Variants in AKT3 observed in about 807,000 individuals in gnomAD.
The protein encoded by AKT3 is RAC-gamma serine/threonine-protein kinase.
A neutral mutation model predicts 65.3 loss-of-function variants in AKT3; 15 were observed. That is an observed-to-expected ratio of 0.23 (90% confidence interval 0.15 to 0.35). The LOEUF is 0.35. AKT3 is among the 10% of genes least tolerant of loss of function. The probability of loss-of-function intolerance (pLI) is 1.00; values close to 1 mark genes in which losing one functional copy is unlikely to be tolerated. For missense variants in AKT3, 243 were observed against 576.5 expected, an observed-to-expected ratio of 0.42 and a Z score of 5.92; for synonymous variants, 206 against 183.8, an observed-to-expected ratio of 1.12 and a Z score of -0.98.
At chr1:243,727,289 GTTGA>G (rs753057854) in intron 2 of AKT3, among the ~76,000 whole-genome samples, 27 of 152,102 alleles carry the variant, frequency 1.8e-4, no homozygotes, top group South Asian at 2.1e-4. Context: ...AAGTAAGTTA[GTTGA>G]TTGATTGATT....
intron 9 of AKT3, among the ~76,000 whole-genome samples, chr1:243,570,833 AT>A (rs987089604): frequency 6.6e-6 from 1 of 152,170 alleles, no homozygotes; most frequent in African/African-American, 2.4e-5. Context: ...TTAAGGCTAT[AT>A]TTTTTAAGAA....
intron 2 of AKT3, among the ~76,000 whole-genome samples, chr1:243,836,869 G>A (rs372427853): frequency 3.5e-5 from 5 of 142,792 alleles, no homozygotes; most frequent in Non-Finnish European, 6.0e-5. Context: ...CTGAGACTGC[G>A]CCACTGCACT....
chr1:243,790,390 T>A (rs1271419814), intron 2 of AKT3, among the ~76,000 whole-genome samples: 2 of 152,230 alleles, frequency 1.3e-5, no homozygotes, highest in Non-Finnish European at 2.9e-5. Context: ...TTAAACCTCA[T>A]GAATCAACCT....
At chr1:243,711,333 CA>C (rs1020683557) in intron 2 of AKT3, among the ~76,000 whole-genome samples, 4 of 152,044 alleles carry the variant, frequency 2.6e-5, no homozygotes, top group African/African-American at 7.2e-5. Context: ...ATCTCAAAAA[CA>C]AACAAACAAA....
chr1:243,818,082 G>A (rs1693633277), intron 2 of AKT3: 1 of 152,182 alleles, frequency 6.6e-6, no homozygotes, highest in African/African-American at 2.4e-5. Context: ...AGGATTGAGA[G>A]CAGATTAAAA....
intron 12 of AKT3, among the ~76,000 whole-genome samples, chr1:243,521,111 G>T (rs1049189833): frequency 6.6e-6 from 1 of 152,048 alleles, no homozygotes; most frequent in African/African-American, 2.4e-5. Context: ...TCCTTCCAGG[G>T]GCTTAAGAAA....
chr1:243,583,395 G>A (rs926428451), intron 8 of AKT3, among the ~76,000 whole-genome samples: 3 of 150,524 alleles, frequency 2.0e-5, no homozygotes, highest in Non-Finnish European at 4.4e-5. Flanking sequence ...CACACATTCT[G>A]GACTTAAACT....
intron 4 of AKT3, among the ~76,000 whole-genome samples, chr1:243,646,311 C>T (rs1680809148): frequency 6.6e-6 from 1 of 150,942 alleles, no homozygotes; most frequent in African/African-American, 2.4e-5. Context: ...GAGTTAAAAT[C>T]ATTTACATGA....
At chr1:243,737,094 C>A (rs1490526799) in intron 2 of AKT3, among the ~76,000 whole-genome samples, 1 of 152,134 alleles carries the variant, frequency 6.6e-6, no homozygotes, top group Non-Finnish European at 1.5e-5. Flanking sequence ...TTCCCATAAC[C>A]TGCTTCCATT....
intron 2 of AKT3, among the ~76,000 whole-genome samples, chr1:243,759,927 A>G (rs10803158): frequency 0.32 from 48,857 of 152,080 alleles, 10,628 homozygotes; most frequent in African/African-American, 0.62. Flanking sequence ...CATTAAGCTG[A>G]AATCACAAAT....
intron 2 of AKT3, among the ~76,000 whole-genome samples, chr1:243,700,161 C>T (rs1685354501): frequency 6.6e-6 from 1 of 152,182 alleles, no homozygotes; most frequent in South Asian, 2.1e-4. Flanking sequence ...GAGCTAAAAA[C>T]TACTACTTAC....
intron 3 of AKT3, among the ~76,000 whole-genome samples, chr1:243,684,586 T>C (rs1008980019): frequency 1.4e-4 from 22 of 152,204 alleles, no homozygotes; most frequent in Non-Finnish European, 2.2e-4. Context: ...GTTCCAAGTC[T>C]TTGCTATTGT....
At chr1:243,718,528 C>T (rs1034350742) in intron 2 of AKT3, among the ~76,000 whole-genome samples, 4 of 152,014 alleles carry the variant, frequency 2.6e-5, no homozygotes, top group African/African-American at 7.2e-5. Context: ...TGGCTCACTG[C>T]GATCTCTGCC....
chr1:243,736,060 G>A lies in AKT3; in HGVS notation c.47-40344C>T, dbSNP rs77304662. Among the ~76,000 whole-genome samples, 467 of 152,188 alleles carry A rather than the reference G, an allele frequency of 3.1e-3. 5 individuals are homozygous for A. The highest frequency in any genetic ancestry group is 0.011 in the African/African-American group (443 of 41,524). ...TTTTAATCTGTAAAAATAAGAAAATGCAAGTGCTAGACAGAAAGCTTGAGA... is the reference window on the plus strand; with the variant it reads ...TTTTAATCTGTAAAAATAAGAAAATACAAGTGCTAGACAGAAAGCTTGAGA... On this transcript the variant is annotated intron_variant, in intron 2 of 13. Coordinates refer to ENST00000673466, the MANE Select transcript of AKT3 (RefSeq NM_005465.7).
intron 3 of AKT3, among the ~76,000 whole-genome samples, chr1:243,669,065 T>C (rs1351763329): frequency 2.3e-5 from 3 of 129,970 alleles, no homozygotes; most frequent in South Asian, 4.8e-4. Context: ...TACTAATTTA[T>C]ACTAATAAAG....
intron 2 of AKT3, among the ~76,000 whole-genome samples, chr1:243,831,180 G>T (rs571704487): frequency 1.1e-3 from 161 of 152,156 alleles, no homozygotes; most frequent in African/African-American, 3.6e-3. Context: ...AGAGACTACC[G>T]TGCTCAAAAT....
At chr1:243,709,750 C>T (rs906795075) in intron 2 of AKT3, among the ~76,000 whole-genome samples, 1 of 151,840 alleles carries the variant, frequency 6.6e-6, no homozygotes, top group African/African-American at 2.4e-5. Flanking sequence ...TATATACTTA[C>T]GTTTAAATAT....
chr1:243,711,925 G>C (rs559100828), intron 2 of AKT3, among the ~76,000 whole-genome samples: 1 of 152,170 alleles, frequency 6.6e-6, no homozygotes, highest in Non-Finnish European at 1.5e-5. Context: ...GGCTCTGAAA[G>C]AATCAGAAGT....
intron 10 of AKT3, among the ~76,000 whole-genome samples, chr1:243,559,864 G>A (rs1673653398): frequency 6.6e-6 from 1 of 152,072 alleles, no homozygotes; most frequent in Non-Finnish European, 1.5e-5. Flanking sequence ...GAAAAGCCCA[G>A]CATTAATAAT....
Sources: gnomAD v4.1 joint callset for allele counts (sites outside exome capture counted in the v4.1 genomes callset) on GRCh38, gnomAD v4.1.1 for gene constraint, MANE v1.5 for transcripts, NCBI Gene and HGNC (gene_info 2026-07-23, HGNC 2026-07-21) for gene names.